The following NEBL variants were observed in gnomAD, a reference collection of about 807,000 sequenced individuals.
The protein encoded by NEBL is LIM and SH3 protein 2.
In NEBL, 122 loss-of-function variants were observed where a neutral mutation model predicts 140.2. The ratio of observed to expected loss-of-function variants is 0.87; its 90% CI spans 0.75 to 1.01. The LOEUF (loss-of-function observed/expected upper bound fraction) is 1.01. NEBL is among the 50% of genes least tolerant of loss of function. The pLI is 0.00. For missense variants in NEBL, 1,365 were observed against 1,231.3 expected, an observed-to-expected ratio of 1.11 and a Z score of -1.62; for synonymous variants, 436 against 398.9, an observed-to-expected ratio of 1.09 and a Z score of -1.11.
intron 21 of NEBL, among the ~76,000 whole-genome samples, chr10:20,817,359 C>T: frequency 6.6e-6 from 1 of 151,986 alleles, no homozygotes; most frequent in East Asian, 1.9e-4. Flanking sequence ...AGAGCAAGAC[C>T]CTGTCTCAAA....
intron 3 of NEBL, among the ~76,000 whole-genome samples, chr10:20,968,440 G>T (rs368024997): frequency 3.1e-4 from 47 of 152,222 alleles, no homozygotes; most frequent in African/African-American, 1.1e-3. Context: ...CAGCCCAGAA[G>T]TTCAAGGCTG....
chr10:21,018,905 G>A (rs184147072), intron 3 of NEBL, among the ~76,000 whole-genome samples: 55 of 152,320 alleles, frequency 3.6e-4, no homozygotes, highest in African/African-American at 1.3e-3. Context: ...GCAGGCGCCT[G>A]TAATCCCAGC....
At position 20,828,536 on chromosome 10, in the gene NEBL, A is replaced by G; in HGVS notation, c.1770T>C (p.Ile590=). 1 of 1,575,456 alleles carries G rather than the reference A, an allele frequency of 6.3e-7. No homozygotes were observed. The highest frequency in any genetic ancestry group is 8.7e-7 in the Non-Finnish European group (1 of 1,145,306). Residue 590 remains isoleucine (I), a synonymous_variant, in exon 17 of 28, where the codon ATT becomes ATC. Transcript: ENST00000377122. ...AGAAGTAATGGCTACTCACCGCACT[A>G]ATGTTTTGTTGAGTTGTCTTAATTC... ...IQRIKTTQQN[I]SAVFYKKEVG... is the part of the protein sequence containing the mutation.
chr10:21,163,892 T>C (rs772210802), intron 2 of NEBL, among the ~76,000 whole-genome samples: 4 of 152,218 alleles, frequency 2.6e-5, no homozygotes, highest in Non-Finnish European at 5.9e-5. Context: ...TCCAAGACTC[T>C]GCTAAGAAAA....
At chr10:20,973,471 A>C (rs191535886) in intron 3 of NEBL, among the ~76,000 whole-genome samples, 2 of 152,208 alleles carry the variant, frequency 1.3e-5, no homozygotes, top group African/African-American at 4.8e-5. Flanking sequence ...GCTGGTCTCA[A>C]ATTCCGGGCC....
At chr10:20,992,160 A>G (rs192679524) in intron 3 of NEBL, among the ~76,000 whole-genome samples, 4 of 152,346 alleles carry the variant, frequency 2.6e-5, no homozygotes, top group African/African-American at 9.6e-5. Context: ...CTTTTTAAAA[A>G]TTACTTTGCT....
At chr10:20,838,214 T>C (rs1841078080) in intron 13 of NEBL, among the ~76,000 whole-genome samples, 1 of 152,192 alleles carries the variant, frequency 6.6e-6, no homozygotes, top group African/African-American at 2.4e-5. Flanking sequence ...CCACTCTACA[T>C]GCCATTAAGA....
intron 2 of NEBL, among the ~76,000 whole-genome samples, chr10:21,155,018 G>C (rs1840286540): frequency 6.6e-6 from 1 of 152,150 alleles, no homozygotes; most frequent in South Asian, 2.1e-4. Context: ...GGCCAACATG[G>C]TGAAACCCCA....
At chr10:21,091,377 A>G (rs1302835738) in intron 2 of NEBL, among the ~76,000 whole-genome samples, 1 of 152,226 alleles carries the variant, frequency 6.6e-6, no homozygotes, top group Admixed American at 6.5e-5. Flanking sequence ...ATACATAAAT[A>G]AAAAAGAATA....
intron 3 of NEBL, among the ~76,000 whole-genome samples, chr10:21,244,313 C>T (rs956463519): frequency 7.3e-5 from 11 of 151,534 alleles, no homozygotes; most frequent in Admixed American, 2.0e-4. Context: ...TTACAGGCAC[C>T]TGCCACCATG....
chr10:21,082,182 C>A (rs189392769), intron 2 of NEBL, among the ~76,000 whole-genome samples: 1 of 151,988 alleles, frequency 6.6e-6, no homozygotes, highest in Non-Finnish European at 1.5e-5. Flanking sequence ...CACCAAGCAA[C>A]GAAGGAACTC....
chr10:21,147,258 T>G lies in NEBL; in HGVS notation c.164+25125A>C, dbSNP rs374659780. Among the ~76,000 whole-genome samples the G allele has an allele frequency of 2.0e-5, 3 of 152,254 alleles. No individual in the cohort carries two copies. In the East Asian group the frequency reaches 5.8e-4, roughly 29 times the overall value. ...CTCCTGCCTCTCAACAAGGTCTCAT[T>G]GCACGTTAGCCATTTTCACCTCAAA... is the stretch of plus-strand genomic sequence containing the variant. On this transcript the variant is annotated intron_variant, in intron 2 of 6. Transcript: ENST00000417816.
intron 4 of NEBL, among the ~76,000 whole-genome samples, chr10:20,916,630 G>T (rs1282525049): frequency 1.3e-5 from 2 of 152,288 alleles, no homozygotes; most frequent in South Asian, 4.1e-4. Context: ...GGCTGGTCAT[G>T]AACTGCTGAC....
chr10:21,079,258 G>A (rs914049854), intron 2 of NEBL, among the ~76,000 whole-genome samples: 2 of 152,150 alleles, frequency 1.3e-5, no homozygotes, highest in African/African-American at 4.8e-5. Context: ...GAAAAAGAAA[G>A]AAAATGAGGA....
intron 3 of NEBL, among the ~76,000 whole-genome samples, chr10:21,192,609 C>G (rs1011622122): frequency 6.6e-6 from 1 of 151,490 alleles, no homozygotes; most frequent in Non-Finnish European, 1.5e-5. Flanking sequence ...ATTTGGGAGG[C>G]CAAGGCGGGT....
At chr10:20,918,915 C>T (rs962743089) in intron 4 of NEBL, among the ~76,000 whole-genome samples, 13 of 151,880 alleles carry the variant, frequency 8.6e-5, no homozygotes, top group Non-Finnish European at 1.6e-4. Context: ...AAATCGTTCC[C>T]ACTTAACATG....
chr10:21,277,877 C>G (rs10828229), intron 1 of NEBL, among the ~76,000 whole-genome samples: 24,023 of 152,040 alleles, frequency 0.16, 3,417 homozygotes, highest in African/African-American at 0.39. Flanking sequence ...GGCTGGCCTC[C>G]AACTCTTGGG....
chr10:20,786,658 G>A (rs1835432627), intron 27 of NEBL, among the ~76,000 whole-genome samples: 1 of 152,150 alleles, frequency 6.6e-6, no homozygotes, highest in African/African-American at 2.4e-5. Context: ...TCTAGGTGTT[G>A]AGGCAAAGAC....
At chr10:21,285,366 T>C (rs1046610594) in intron 1 of NEBL, among the ~76,000 whole-genome samples, 1 of 152,206 alleles carries the variant, frequency 6.6e-6, no homozygotes, top group Non-Finnish European at 1.5e-5. Flanking sequence ...GCATATCTGA[T>C]GGCCTCCCTT....
Sources: allele counts gnomAD v4.1 joint callset (sites outside exome capture counted in the v4.1 genomes callset), GRCh38; gene constraint gnomAD v4.1.1; transcripts MANE v1.5; gene names NCBI Gene and HGNC (gene_info 2026-07-23, HGNC 2026-07-21).